Variants in ASIC2 observed in about 807,000 individuals in gnomAD.
ASIC2 encodes acid sensing ion channel subunit 2.
ASIC2 carries 25 observed loss-of-function variants against 57.3 expected under a neutral mutation model. That is an observed-to-expected ratio of 0.44 (90% CI 0.32 to 0.61). The LOEUF (loss-of-function observed/expected upper bound fraction) is 0.61. Ranked by LOEUF, ASIC2 falls within the 20% of genes least tolerant of loss-of-function variation. ASIC2 has a pLI of 0.06. For synonymous variants in ASIC2, 319 were observed against 307.5 expected, an observed-to-expected ratio of 1.04 and a Z score of -0.39; for missense variants, 641 against 738.1, an observed-to-expected ratio of 0.87 and a Z score of 1.52.
intron 1 of ASIC2, among the ~76,000 whole-genome samples, chr17:33,139,988 G>A (rs2092380964): frequency 6.6e-6 from 1 of 152,262 alleles, no homozygotes; most frequent in Non-Finnish European, 1.5e-5. Flanking sequence ...AGGAGAATGT[G>A]CTATACAGAA....
chr17:34,100,177 CTTTCTTGT>C (rs1220467843), intron 1 of ASIC2, among the ~76,000 whole-genome samples: 21 of 97,200 alleles, frequency 2.2e-4, no homozygotes, highest in South Asian at 9.8e-4. Context: ...TTCTTCCTCT[CTTTCTTGT>C]TTTTTTTTTT....
intron 3 of ASIC2, among the ~76,000 whole-genome samples, chr17:33,036,999 T>A (rs12936388): frequency 6.6e-6 from 1 of 151,780 alleles, no homozygotes; most frequent in Admixed American, 6.5e-5. Context: ...GATAACTATT[T>A]GGTATTGAGC....
chr17:34,073,105 A>G (rs1909484221), intron 1 of ASIC2, among the ~76,000 whole-genome samples: 1 of 152,188 alleles, frequency 6.6e-6, no homozygotes, highest in Non-Finnish European at 1.5e-5. Context: ...AGTAAATGAC[A>G]TTTGATTTAA....
intron 1 of ASIC2, among the ~76,000 whole-genome samples, chr17:33,429,031 C>T (rs759725438): frequency 6.6e-6 from 1 of 152,120 alleles, no homozygotes; most frequent in Non-Finnish European, 1.5e-5. Flanking sequence ...GATGAAGATG[C>T]TGAGGAGATG....
At chr17:33,436,397 C>A (rs902295864) in intron 1 of ASIC2, among the ~76,000 whole-genome samples, 1 of 152,176 alleles carries the variant, frequency 6.6e-6, no homozygotes, top group African/African-American at 2.4e-5. Flanking sequence ...TAGATAAGAT[C>A]ACCATTACAG....
At chr17:34,133,540 A>G (rs931573788) in intron 1 of ASIC2, among the ~76,000 whole-genome samples, 1 of 152,256 alleles carries the variant, frequency 6.6e-6, no homozygotes, top group Non-Finnish European at 1.5e-5. Flanking sequence ...ATTCACACGC[A>G]TGGCCACAGG....
intron 1 of ASIC2, among the ~76,000 whole-genome samples, chr17:33,438,330 G>A (rs1299601713): frequency 6.6e-6 from 1 of 152,180 alleles, no homozygotes; most frequent in Non-Finnish European, 1.5e-5. Context: ...TTCAATGATT[G>A]TGCAAGCCCA....
intron 1 of ASIC2, among the ~76,000 whole-genome samples, chr17:33,253,435 T>C (rs927160699): frequency 6.6e-6 from 1 of 152,188 alleles, no homozygotes; most frequent in Admixed American, 6.5e-5. Flanking sequence ...GAGCTGAAAA[T>C]GAAAAATTAC....
intron 1 of ASIC2, among the ~76,000 whole-genome samples, chr17:33,810,803 T>C (rs1912396083): frequency 1.3e-5 from 2 of 152,086 alleles, no homozygotes; most frequent in Non-Finnish European, 2.9e-5. Context: ...CACTAAAGGA[T>C]TAGCATGTGG....
intron 1 of ASIC2, among the ~76,000 whole-genome samples, chr17:33,460,375 G>A (rs1342940875): frequency 1.3e-5 from 2 of 152,160 alleles, no homozygotes; most frequent in African/African-American, 4.8e-5. Flanking sequence ...CTGGGAGGTG[G>A]GAATTAGTGC....
At chr17:33,190,829 G>A (rs968339430) in intron 1 of ASIC2, among the ~76,000 whole-genome samples, 2 of 150,268 alleles carry the variant, frequency 1.3e-5, no homozygotes, top group African/African-American at 2.4e-5. Flanking sequence ...CCATCCCAAG[G>A]GTCAGGGAAG....
intron 1 of ASIC2, among the ~76,000 whole-genome samples, chr17:33,535,270 G>A (rs1245052841): frequency 1.3e-5 from 2 of 150,522 alleles, no homozygotes; most frequent in African/African-American, 2.4e-5. Context: ...TAAAAATGTC[G>A]CTTCTTTTTT....
chr17:33,774,215 G>A (rs1160503697), intron 1 of ASIC2, among the ~76,000 whole-genome samples: 4 of 152,088 alleles, frequency 2.6e-5, no homozygotes, highest in South Asian at 2.1e-4. Context: ...TTTCAGAATC[G>A]CTTTTCTCTC....
chr17:33,771,230 A>T (rs930877737), intron 1 of ASIC2, among the ~76,000 whole-genome samples: 2 of 152,142 alleles, frequency 1.3e-5, no homozygotes, highest in African/African-American at 4.8e-5. Flanking sequence ...AATTATCACC[A>T]TTCCTCAAAC....
At chr17:33,483,935 T>C (rs1913495108) in intron 1 of ASIC2, among the ~76,000 whole-genome samples, 1 of 152,028 alleles carries the variant, frequency 6.6e-6, no homozygotes, top group Non-Finnish European at 1.5e-5. Flanking sequence ...ACAGGGGTCC[T>C]TGGAAGAGGG....
At chr17:34,128,542 C>T (rs1170541566) in intron 1 of ASIC2, among the ~76,000 whole-genome samples, 1 of 152,256 alleles carries the variant, frequency 6.6e-6, no homozygotes, top group East Asian at 1.9e-4. Flanking sequence ...CACTTAACTT[C>T]CAAGAGCCTC....
chr17:33,593,808 C>T (rs999223949), intron 1 of ASIC2, among the ~76,000 whole-genome samples: 1 of 152,214 alleles, frequency 6.6e-6, no homozygotes, highest in Non-Finnish European at 1.5e-5. Flanking sequence ...CTAGTCTGTG[C>T]ACCTCCCTGA....
intron 1 of ASIC2, among the ~76,000 whole-genome samples, chr17:33,701,441 A>G (rs1198660849): frequency 6.6e-6 from 1 of 152,230 alleles, no homozygotes; most frequent in Non-Finnish European, 1.5e-5. Flanking sequence ...ATTGTCTTCT[A>G]TAGGATTCAA....
At chr17:33,144,066 T>C (rs1597601265) in intron 1 of ASIC2, among the ~76,000 whole-genome samples, 2 of 152,178 alleles carry the variant, frequency 1.3e-5, no homozygotes, top group Middle Eastern at 3.4e-3. Context: ...TATAAGACCC[T>C]ACTTTCCTGA....
Sources: gnomAD v4.1 joint callset for allele counts (sites outside exome capture counted in the v4.1 genomes callset) on GRCh38, gnomAD v4.1.1 for gene constraint, MANE v1.5 for transcripts, NCBI Gene and HGNC (gene_info 2026-07-23, HGNC 2026-07-21) for gene names.